Variants in OPRL1 observed in about 807,000 individuals in gnomAD.
OPRL1 encodes nociceptin receptor.
OPRL1 carries 5 observed loss-of-function variants against 15.5 expected under a neutral mutation model. That is an observed-to-expected ratio of 0.32 (90% CI 0.17 to 0.68). OPRL1 has a LOEUF of 0.68. OPRL1 is among the 30% of genes least tolerant of loss of function. OPRL1 has a pLI of 0.72. For missense variants in OPRL1, 406 were observed against 515.3 expected (o/e 0.79, Z 2.05); for synonymous variants, 223 against 230.2 (o/e 0.97, Z 0.28).
intron 3 of OPRL1, among the ~76,000 whole-genome samples, chr20:64,096,510 G>A (rs1979124200): frequency 6.6e-6 from 1 of 152,136 alleles, no homozygotes; most frequent in Admixed American, 6.5e-5. Context: ...TGAAGAGCTT[G>A]GCACAGGTAT....
At position 64,083,595 on chromosome 20, in the gene OPRL1, CA is replaced by C; in HGVS notation, c.-185+3244del. ...GGCTTGTCTGCACCTCTTGGCGGTC[CA>C]GGGGGTCCGGGATCCGCGCGGGCTT... is the stretch of plus-strand genomic sequence containing the variant. On this transcript the variant is annotated intron_variant, in intron 1 of 4. Coordinates refer to ENST00000336866, the MANE Select transcript of OPRL1 (RefSeq NM_182647.4). This position sits in a 1 kb window ranked among gnomAD's most constrained non-coding sequence, Gnocchi z 4.9. 6.7e-7 allele frequency: 1 copy of C among 1,493,256 alleles called. No homozygotes were observed. Among genetic ancestry groups the C allele is most frequent in the African/African-American group, 1.4e-5 (1 of 70,034 alleles). The allele number at this position is 1,493,256 out of a possible 1,614,324, so 92.5% of individuals were successfully genotyped here. A position where few individuals can be genotyped will look rare whatever the true frequency, so the allele number is the denominator to read the frequency against.
Position 64,084,160 on chromosome 20 carries a change from G to A in OPRL1, c.-185+3808G>A, listed in dbSNP as rs2060013097. 5 of 1,452,886 alleles carry A rather than the reference G, an allele frequency of 3.4e-6. No individual in the cohort carries two copies. In the African/African-American group the frequency reaches 4.4e-5, roughly 13 times the overall value. The allele number at this position is 1,452,886 out of a possible 1,614,324, so 90.0% of individuals were successfully genotyped here. ...CCTCACCCTGCGCCGTGCCTGGCGC[G>A]CTCTTCCCGCTTCGCTCCCGCGGGC... On this transcript the variant is annotated intron_variant, in intron 1 of 4. Coordinates refer to ENST00000336866, the MANE Select transcript of OPRL1 (RefSeq NM_182647.4).
At position 64,083,272 on chromosome 20, in the gene OPRL1, A is replaced by C; in HGVS notation, c.-185+2920A>C. On this transcript the variant is annotated intron_variant, in intron 1 of 4. Transcript: ENST00000336866. The surrounding 1 kb of genome is among the most constrained non-coding windows in gnomAD (Gnocchi z 4.9). Reference sequence around the variant, plus strand: ...TCCCCACTTTTTTGGGAGAGGCCCCACTCTCTGTACCCTGATGTCTGTGAG... The same window carrying C: ...TCCCCACTTTTTTGGGAGAGGCCCCCCTCTCTGTACCCTGATGTCTGTGAG... The C allele has an allele frequency of 1.9e-6, 2 of 1,050,060 alleles. No homozygotes were observed. Among genetic ancestry groups the C allele is most frequent in the Non-Finnish European group, 2.7e-6 (2 of 733,286 alleles). 65.0% of individuals were successfully genotyped at this position (1,050,060 alleles called of 1,614,324 possible).
Position 64,099,184 on chromosome 20 carries a change from C to G in OPRL1, c.*385C>G. The G allele has an allele frequency of 3.7e-6, 1 of 272,204 alleles. No homozygotes were observed. The highest frequency in any genetic ancestry group is 7.0e-6 in the Non-Finnish European group (1 of 143,404). The allele number at this position is 272,204 out of a possible 1,614,324, so 16.9% of individuals were successfully genotyped here. ...TCTCTGCTGCTGCGTTGGCAGAACC[C>G]TGGGTGGGCAGGCACCCGGAGGAGG... On this transcript the variant is annotated 3_prime_UTR_variant, in exon 5 of 5. Coordinates refer to ENST00000336866, the MANE Select transcript of OPRL1 (RefSeq NM_182647.4).
At chr20:64,093,273 A>G (rs1978413775) in intron 3 of OPRL1, among the ~76,000 whole-genome samples, 1 of 150,676 alleles carries the variant, frequency 6.6e-6, no homozygotes. Context: ...ATGAGATCCC[A>G]CAGCGGCCCT....
At chr20:64,082,818 T>TG (rs1175954785) in intron 1 of OPRL1, among the ~76,000 whole-genome samples, 16 of 25,290 alleles carry the variant, frequency 6.3e-4, no homozygotes, top group South Asian at 4.6e-3. Flanking sequence ...TGTGTGTGTG[T>TG]GGGGGGGTGG....
In OPRL1 at chr20:64,083,448, A is replaced by G. The variant is rs750226596; in HGVS notation, c.-185+3096A>G. On this transcript the variant is annotated intron_variant, in intron 1 of 4. Transcript: ENST00000336866. This position sits in a 1 kb window ranked among gnomAD's most constrained non-coding sequence, Gnocchi z 4.9. ...TCTCAGTCGCCGTCACCGCGGGAAG[A>G]TGGTGCCATCCACGTTCTCCTCCAG... The G allele has an allele frequency of 6.4e-5, 103 of 1,610,322 alleles. 1 individual carries two copies. Among genetic ancestry groups the G allele is most frequent in the Non-Finnish European group, 2.5e-6 (3 of 1,179,006 alleles).
At position 64,089,157 on chromosome 20, in the gene OPRL1, G is replaced by T. The variant is rs2060095941; in HGVS notation, c.-184-2809G>T. ...GTTTGCCGCAGGCACAAGGGAGGGAGAAGCTGTCCTGGGTTCTATGGTTAT... is the reference window on the plus strand; with the variant it reads ...GTTTGCCGCAGGCACAAGGGAGGGATAAGCTGTCCTGGGTTCTATGGTTAT... On this transcript the variant is annotated intron_variant, in intron 1 of 4. Transcript: ENST00000336866. This position sits in a 1 kb window ranked among gnomAD's most constrained non-coding sequence, Gnocchi z 5.5. Among the ~76,000 whole-genome samples the T allele has an allele frequency of 6.6e-6, 1 of 152,146 alleles. No individual in the cohort carries two copies. The highest frequency in any genetic ancestry group is 2.4e-5 in the African/African-American group (1 of 41,412).
intron 1 of OPRL1, among the ~76,000 whole-genome samples, chr20:64,086,237 G>A (rs2060048805): frequency 6.6e-6 from 1 of 152,198 alleles, no homozygotes; most frequent in Admixed American, 6.5e-5. Flanking sequence ...CGTTTGTGGG[G>A]GAGTCACGCA....
chr20:64,084,167 C>T (rs2060013191), intron 1 of OPRL1: 20 of 1,451,920 alleles, frequency 1.4e-5, no homozygotes, highest in Non-Finnish European at 1.8e-5. Context: ...CGCGCTCTTC[C>T]CGCTTCGCTC....
intron 1 of OPRL1, among the ~76,000 whole-genome samples, chr20:64,088,851 GGGAGGGCAGGGTCTGTGC>G (rs2060089501): frequency 7.3e-6 from 1 of 136,348 alleles, no homozygotes; most frequent in South Asian, 2.3e-4. Context: ...GATCTGTGCA[GGGAGGGCAGGGTCTGTGC>G]AGAGTGGCCA....
rs769819931 is a variant in OPRL1, at chr20:64,083,422, C to G, written c.-185+3070C>G. On this transcript the variant is annotated intron_variant, in intron 1 of 4. Transcript: ENST00000336866. This position sits in a 1 kb window ranked among gnomAD's most constrained non-coding sequence, Gnocchi z 4.9. ...GTGGGAGGCTGGGGCGCGTCGCACA[C>G]TCTCAGTCGCCGTCACCGCGGGAAG... 1.9e-6 allele frequency: 3 copies of G among 1,611,780 alleles called. No homozygotes were observed. The Admixed American group carries it at 5.0e-5, about 27-fold the overall frequency.
Position 64,098,003 on chromosome 20 carries a change from T to C in OPRL1, c.435T>C (p.Ser145=), listed in dbSNP as rs2145626932. 1 of 1,613,630 alleles carries C rather than the reference T, an allele frequency of 6.2e-7. No homozygotes were observed. Among genetic ancestry groups the C allele is most frequent in the Non-Finnish European group, 8.5e-7 (1 of 1,180,004 alleles). ...GCACCTTCACCCTAACTGCCATGAG[T>C]GTGGATCGCTATGTAGCCATCTGCC... is the stretch of plus-strand genomic sequence containing the variant. The part of the protein sequence containing the change: ...FTSTFTLTAM[S]VDRYVAICHP... The change falls in exon 4 of 5, where the codon AGT becomes AGC. Residue 145 remains serine, a synonymous_variant. Transcript: ENST00000336866.
rs200646858 is a variant in OPRL1 at position 64,097,877 on chromosome 20, G to C, written c.309G>C (p.Thr103=). The C allele has an allele frequency of 6.2e-7, 1 of 1,613,556 alleles. No individual in the cohort carries two copies. Among genetic ancestry groups the C allele is most frequent in the East Asian group, 2.2e-5 (1 of 44,886 alleles). The change falls in exon 4 of 5, where the codon ACG becomes ACC. Residue 103 remains threonine, a synonymous_variant. Transcript: ENST00000336866. This position sits in a 1 kb window ranked among gnomAD's most constrained non-coding sequence, Gnocchi z 4.2. ...LALADTLVLL[T]LPFQGTDILL... Reference sequence around the variant, plus strand: ...TGGCCGACACTCTGGTCCTGCTGACGCTGCCCTTCCAGGGCACGGACATCC... The same window carrying C: ...TGGCCGACACTCTGGTCCTGCTGACCCTGCCCTTCCAGGGCACGGACATCC...
Position 64,089,851 on chromosome 20 carries a change from G to A in OPRL1, c.-184-2115G>A, listed in dbSNP as rs2060102602. ...AGGCTGGGTCCCAGGCTGGGAGGCA[G>A]GCTCAGGAAGCTCGGGTAGGAGGGT... On this transcript the variant is annotated intron_variant, in intron 1 of 4. Transcript: ENST00000336866. This position sits in a 1 kb window ranked among gnomAD's most constrained non-coding sequence, Gnocchi z 5.5. 6.6e-6 allele frequency among the ~76,000 whole-genome samples: 1 copy of A among 152,214 alleles called. No homozygotes were observed. Among genetic ancestry groups the A allele is most frequent in the South Asian group, 2.1e-4 (1 of 4,836 alleles).
chr20:64,089,553 T>G lies in OPRL1; in HGVS notation c.-184-2413T>G, dbSNP rs1293690536. On this transcript the variant is annotated intron_variant, in intron 1 of 4. Coordinates refer to ENST00000336866, the MANE Select transcript of OPRL1 (RefSeq NM_182647.4). The surrounding 1 kb of genome is among the most constrained non-coding windows in gnomAD (Gnocchi z 5.5). Reference sequence around the variant, plus strand: ...ATCCTCTCTCTTGATCTCTCCATACTTCCTCCCCACTCCTTTCCCTTTCCT... The same window carrying G: ...ATCCTCTCTCTTGATCTCTCCATACGTCCTCCCCACTCCTTTCCCTTTCCT... Among the ~76,000 whole-genome samples the G allele has an allele frequency of 1.3e-5, 2 of 152,100 alleles. No individual in the cohort carries two copies. Among genetic ancestry groups the G allele is most frequent in the Non-Finnish European group, 2.9e-5 (2 of 68,016 alleles).
chr20:64,084,088 C>T, intron 1 of OPRL1: 1 of 1,487,128 alleles, frequency 6.7e-7, no homozygotes, highest in South Asian at 1.3e-5. Flanking sequence ...GCGTCAGGGC[C>T]CAGCCCGGCT....
rs986491189 is a variant in OPRL1 at position 64,091,996 on chromosome 20, G to C, written c.-154G>C. ...GGCTGCCGGCTCACTCGGCTGCTGC[G>C]TCTGGTCTGGCGTCTGCTGAGAAGA... is the stretch of plus-strand genomic sequence containing the variant. On this transcript the variant is annotated 5_prime_UTR_variant, in exon 2 of 5. Coordinates refer to ENST00000336866, the MANE Select transcript of OPRL1 (RefSeq NM_182647.4). 6 of 152,682 alleles carry C rather than the reference G, an allele frequency of 3.9e-5. No homozygotes were observed. The highest frequency in any genetic ancestry group is 1.4e-4 in the African/African-American group (6 of 41,442). The allele number at this position is 152,682 out of a possible 1,614,324, so 9.5% of individuals were successfully genotyped here. A position where few individuals can be genotyped will look rare whatever the true frequency, so the allele number is the denominator to read the frequency against.
intron 1 of OPRL1, among the ~76,000 whole-genome samples, 171 bp downstream of exon 1, chr20:64,080,523 C>T (rs563120399): frequency 3.3e-5 from 5 of 152,334 alleles, no homozygotes; most frequent in African/African-American, 9.6e-5. Context: ...TGCCGAATGT[C>T]TCCTGTGGGG....
Sources: allele counts gnomAD v4.1 joint callset (sites outside exome capture counted in the v4.1 genomes callset), GRCh38; gene constraint gnomAD v4.1.1; non-coding constraint Gnocchi (gnomAD v3.1); transcripts MANE v1.5; gene names NCBI Gene and HGNC (gene_info 2026-07-23, HGNC 2026-07-21).